SUN3: variants seen among roughly 807,000 people sequenced by gnomAD.
The protein encoded by SUN3 is SUN domain-containing protein 3.
In SUN3, 36 loss-of-function variants were observed where a neutral mutation model predicts 48.2. The observed-to-expected ratio is 0.75, with a 90% CI of 0.57 to 0.99. SUN3 has a LOEUF of 0.99. SUN3 is among the 50% of genes least tolerant of loss of function. SUN3 has a pLI of 0.00. For synonymous variants in SUN3, 148 were observed against 147.9 expected (o/e 1.00, Z 0.00); for missense variants, 419 against 433.1 (o/e 0.97, Z 0.29).
At chr7:48,028,266 A>G (rs1028682605) in intron 1 of SUN3, among the ~76,000 whole-genome samples, 12 of 152,008 alleles carry the variant, frequency 7.9e-5, no homozygotes, top group Non-Finnish European at 1.2e-4. Context: ...GCGTTTGTAA[A>G]TAGGTTTAGG....
At chr7:48,012,872 C>G (rs112858363) in intron 3 of SUN3, among the ~76,000 whole-genome samples, 2 of 152,092 alleles carry the variant, frequency 1.3e-5, no homozygotes, top group African/African-American at 2.4e-5. Flanking sequence ...ATAAAAAGCT[C>G]GAAGGAAGTA....
chr7:48,011,254 C>T (rs1789675251), intron 3 of SUN3, among the ~76,000 whole-genome samples: 1 of 152,166 alleles, frequency 6.6e-6, no homozygotes, highest in African/African-American at 2.4e-5. Context: ...TCCATCTTTA[C>T]CCAGTAATTA....
intron 6 of SUN3, among the ~76,000 whole-genome samples, chr7:48,002,151 C>CTTTTTTT (rs71006541): frequency 1.4e-4 from 9 of 64,154 alleles, no homozygotes; most frequent in African/African-American, 7.0e-4. Flanking sequence ...TTGCATTTCT[C>CTTTTTTT]TTTTTTTTTT....
At chr7:48,014,361 A>G (rs11974279) in intron 3 of SUN3, among the ~76,000 whole-genome samples, 18,096 of 152,184 alleles carry the variant, frequency 0.12, 3,554 homozygotes, top group African/African-American at 0.41. Flanking sequence ...TTATTTATTC[A>G]TTAATGTGCA....
intron 2 of SUN3, among the ~76,000 whole-genome samples, chr7:48,025,112 C>T (rs931201909): frequency 2.0e-5 from 3 of 152,152 alleles, no homozygotes; most frequent in African/African-American, 2.4e-5. Flanking sequence ...CACACTTATG[C>T]ACAGCATCAC....
intron 4 of SUN3, 66 bp from the exon 5 acceptor site, chr7:48,007,393 G>C: frequency 6.8e-7 from 1 of 1,477,952 alleles, no homozygotes; most frequent in Admixed American, 1.8e-5. Flanking sequence ...GCTGTTGCTG[G>C]GCTCCACCCG....
In SUN3 at chr7:48,028,935, T is replaced by A; in HGVS notation, c.4A>T (p.Ser2Cys). Residue 2 changes from serine (S) to cysteine (C), a missense_variant, in exon 1 of 10, where the codon AGT becomes TGT. Ser to Cys is a moderately radical substitution (Grantham distance 112). Transcript: ENST00000297325. Reference protein sequence around the residue: MSGKTKARRAAM... With the variant: MCGKTKARRAAM... ...GCCCTTCTTGCCTTTGTTTTTCCAC[T>A]CATGATCCCCTACCAAAGAACAAAC... The A allele has an allele frequency of 6.2e-7, 1 of 1,613,906 alleles. No homozygotes were observed. The highest frequency in any genetic ancestry group is 1.3e-5 in the African/African-American group (1 of 75,030).
Position 48,019,151 on chromosome 7 carries a change from G to C in SUN3, c.185-1786C>G, listed in dbSNP as rs113910023. On this transcript the variant is annotated intron_variant, in intron 2 of 9. Coordinates refer to ENST00000297325, the MANE Select transcript of SUN3 (RefSeq NM_001030019.2). ...AGTCTGTGAACAGAAAGAGAAAAGTGAAAAAGTGAACAGAGCCCAAGACAC... is the reference window on the plus strand; with the variant it reads ...AGTCTGTGAACAGAAAGAGAAAAGTCAAAAAGTGAACAGAGCCCAAGACAC... 3.0e-3 allele frequency among the ~76,000 whole-genome samples: 451 copies of C among 152,196 alleles called. 7 individuals are homozygous for C. Among genetic ancestry groups the C allele is most frequent in the African/African-American group, 0.01 (421 of 41,522 alleles).
At position 48,008,887 on chromosome 7, in the gene SUN3, C is replaced by A. The variant is rs953792996; in HGVS notation, c.329+148G>T. 19 of 668,398 alleles carry A rather than the reference C, an allele frequency of 2.8e-5. No individual in the cohort carries two copies. In the African/African-American group the frequency reaches 3.3e-4, roughly 12 times the overall value. 41.4% of individuals were successfully genotyped at this position (668,398 alleles called of 1,614,324 possible). On this transcript the variant is annotated intron_variant, in intron 4 of 9. Transcript: ENST00000297325. Reference sequence around the variant, plus strand: ...CATAGAGAAATGCTAGGAATGATATCATTAAATATTAATAATAGTTATTTC... The same window carrying A: ...CATAGAGAAATGCTAGGAATGATATAATTAAATATTAATAATAGTTATTTC...
chr7:48,018,702 T>G (rs1789883741), intron 2 of SUN3: 1 of 152,512 alleles, frequency 6.6e-6, no homozygotes. Flanking sequence ...AGGCAAACCC[T>G]GGGGAAGAGG....
chr7:47,992,299 A>G (rs1378548087), intron 8 of SUN3, among the ~76,000 whole-genome samples: 1 of 152,244 alleles, frequency 6.6e-6, no homozygotes, highest in African/African-American at 2.4e-5. Flanking sequence ...AAGTGGGGCT[A>G]GGAAATCCAG....
upstream of SUN3, among the ~76,000 whole-genome samples, chr7:48,033,970 C>T (rs999295035): frequency 6.6e-6 from 1 of 152,152 alleles, no homozygotes; most frequent in Non-Finnish European, 1.5e-5. Context: ...AGGAGAATTG[C>T]TTGAACCCAG....
intron 2 of SUN3, 93 bp from the exon 3 acceptor site, chr7:48,017,458 AATAT>A: frequency 1.4e-6 from 1 of 727,020 alleles, no homozygotes; most frequent in Non-Finnish European, 2.4e-6. Context: ...AAACATGAAG[AATAT>A]GTATACTCTT....
intron 3 of SUN3, among the ~76,000 whole-genome samples, chr7:48,014,158 A>T (rs1022729357): frequency 6.6e-6 from 1 of 151,964 alleles, no homozygotes; most frequent in African/African-American, 2.4e-5. Context: ...GCTGGTCTTG[A>T]ACTCCTGGAG....
chr7:47,994,257 C>A, intron 8 of SUN3, 58 bp downstream of exon 8: 1 of 1,580,598 alleles, frequency 6.3e-7, no homozygotes, highest in Non-Finnish European at 8.6e-7. Flanking sequence ...GCCCCTAATT[C>A]CTAGCCAACC....
At position 48,022,631 on chromosome 7, in the gene SUN3, T is replaced by C. The variant is rs116550230; in HGVS notation, c.184+3246A>G. ...AATAATGGCTGAAAAAGTTCCAAAG[T>C]TGATAAAAAGCCATGAATCTACACA... On this transcript the variant is annotated intron_variant, in intron 2 of 9. Coordinates refer to ENST00000297325, the MANE Select transcript of SUN3 (RefSeq NM_001030019.2). Among the ~76,000 whole-genome samples, 381 of 150,476 alleles carry C rather than the reference T, an allele frequency of 2.5e-3. 1 individual carries two copies. Among genetic ancestry groups the C allele is most frequent in the African/African-American group, 8.9e-3 (365 of 41,022 alleles).
At chr7:48,026,307 A>G (rs1462810667) in intron 1 of SUN3, among the ~76,000 whole-genome samples, 2 of 152,180 alleles carry the variant, frequency 1.3e-5, no homozygotes, top group Non-Finnish European at 1.5e-5. Context: ...AAGAAAAAAA[A>G]GAAAAATCAG....
At chr7:48,028,711 G>A in intron 1 of SUN3, 106 bp downstream of exon 1, 3 of 1,433,336 alleles carry the variant, frequency 2.1e-6, no homozygotes, top group South Asian at 1.3e-5. Flanking sequence ...TCTATAAAGG[G>A]AGAAAATACT....
rs760113038 is a variant in SUN3 at position 48,028,931 on chromosome 7, C to CCACTCAT, written c.1_7dup (p.Gly3AspfsTer15). On this transcript the variant is annotated frameshift_variant, in exon 1 of 10. Transcript: ENST00000297325. LOFTEE classifies it high-confidence loss of function. ...GGCAGCCCTTCTTGCCTTTGTTTTT[C>CCACTCAT]CACTCATGATCCCCTACCAAAGAAC... 46 of 1,613,840 alleles carry CCACTCAT rather than the reference C, an allele frequency of 2.9e-5. No homozygotes were observed. In the South Asian group the frequency reaches 4.7e-4, roughly 17 times the overall value.
Sources: gnomAD v4.1 joint callset for allele counts (sites outside exome capture counted in the v4.1 genomes callset) on GRCh38, gnomAD v4.1.1 for gene constraint, MANE v1.5 for transcripts, NCBI Gene and HGNC (gene_info 2026-07-23, HGNC 2026-07-21) for gene names.